Variants in JARID2 observed in about 807,000 individuals in gnomAD.
JARID2 encodes protein Jumonji.
Under a neutral mutation model 125.6 loss-of-function variants are expected in JARID2, and 21 were observed. That is an observed-to-expected ratio of 0.17 (90% CI 0.12 to 0.24). JARID2 has a LOEUF of 0.24. Ranked by LOEUF, JARID2 falls within the 10% of genes least tolerant of loss-of-function variation. The probability of loss-of-function intolerance (pLI) is 1.00; values close to 1 mark genes in which losing one functional copy is unlikely to be tolerated. For missense variants in JARID2, 1,303 were observed against 1,639.6 expected (o/e 0.79, Z 3.55); for synonymous variants, 736 against 661.6 (o/e 1.11, Z -1.73).
At position 15,246,243 on chromosome 6, in the gene JARID2, T is replaced by G. The variant is rs1044013219; in HGVS notation, c.-297T>G. ...AAGGGGGGGGAGTGAAGGGCGTCGG[T>G]TTTTTTTTGTGTGTGTGTGTATGTG... On this transcript the variant is annotated 5_prime_UTR_variant, in exon 1 of 18. Coordinates refer to ENST00000341776, the MANE Select transcript of JARID2 (RefSeq NM_004973.4). 48 of 437,606 alleles carry G rather than the reference T, an allele frequency of 1.1e-4. No homozygotes were observed. The highest frequency in any genetic ancestry group is 6.0e-4 in the Middle Eastern group (1 of 1,664). 27.1% of individuals were successfully genotyped at this position (437,606 alleles called of 1,614,324 possible).
intron 1 of JARID2, among the ~76,000 whole-genome samples, chr6:15,256,691 C>G (rs1429336255): frequency 1.3e-5 from 2 of 152,144 alleles, no homozygotes; most frequent in Non-Finnish European, 2.9e-5. Flanking sequence ...TTGTCTGAAG[C>G]CTGTCACCCT....
At chr6:15,328,714 A>G (rs1489772766) in intron 1 of JARID2, among the ~76,000 whole-genome samples, 2 of 152,334 alleles carry the variant, frequency 1.3e-5, no homozygotes, top group East Asian at 3.9e-4. Context: ...TGTGGCCTCA[A>G]AGTAAGAGAT....
intron 2 of JARID2, among the ~76,000 whole-genome samples, chr6:15,377,504 C>T (rs1377950044): frequency 6.6e-6 from 1 of 152,070 alleles, no homozygotes; most frequent in African/African-American, 2.4e-5. Context: ...GTGAGCCTGT[C>T]ACCCAGGCTG....
At chr6:15,481,921 CT>C (rs1353237578) in intron 5 of JARID2, among the ~76,000 whole-genome samples, 2 of 152,198 alleles carry the variant, frequency 1.3e-5, no homozygotes, top group African/African-American at 4.8e-5. Context: ...ACCTGCCTCC[CT>C]CTCGTCTCCG....
chr6:15,283,365 G>A (rs868578021), intron 1 of JARID2, among the ~76,000 whole-genome samples: 4 of 144,276 alleles, frequency 2.8e-5, no homozygotes, highest in Non-Finnish European at 4.5e-5. Flanking sequence ...TTTTGAGATG[G>A]AGTCTCACTC....
chr6:15,424,684 C>A (rs1766646465), intron 3 of JARID2, among the ~76,000 whole-genome samples: 2 of 152,100 alleles, frequency 1.3e-5, no homozygotes. Flanking sequence ...ATGGAGAACC[C>A]CTGCCTCCAC....
intron 2 of JARID2, among the ~76,000 whole-genome samples, chr6:15,405,396 G>A (rs1023400072): frequency 1.3e-5 from 2 of 152,226 alleles, no homozygotes; most frequent in Admixed American, 6.5e-5. Flanking sequence ...TGGCTAAATG[G>A]TCTTGGATCC....
At chr6:15,408,098 T>C (rs1031611638) in intron 2 of JARID2, among the ~76,000 whole-genome samples, 1 of 151,952 alleles carries the variant, frequency 6.6e-6, no homozygotes, top group African/African-American at 2.4e-5. Context: ...ACCCCATCTC[T>C]ACAAAAAATA....
chr6:15,331,817 T>C (rs1762720392), intron 1 of JARID2, among the ~76,000 whole-genome samples: 1 of 152,208 alleles, frequency 6.6e-6, no homozygotes, highest in African/African-American at 2.4e-5. Flanking sequence ...TGAAACTCCA[T>C]TTCATAAAAA....
Position 15,254,518 on chromosome 6 carries a change from A to G in JARID2, c.45+7934A>G, listed in dbSNP as rs199637209. ...GGGAACATTATACATGATTACTTAC[A>G]TAATCATGGGACAGATGCGGGTGTT... is the stretch of plus-strand genomic sequence containing the variant. On this transcript the variant is annotated intron_variant, in intron 1 of 17. Transcript: ENST00000341776. 3.3e-4 allele frequency among the ~76,000 whole-genome samples: 51 copies of G among 152,332 alleles called. No individual in the cohort carries two copies. In the East Asian group the frequency reaches 6.2e-3, roughly 18 times the overall value.
At chr6:15,285,723 G>T (rs1200585994) in intron 1 of JARID2, among the ~76,000 whole-genome samples, 2 of 152,178 alleles carry the variant, frequency 1.3e-5, no homozygotes, top group East Asian at 3.8e-4. Flanking sequence ...TTCTAGAAAA[G>T]AAGGCAGCAT....
chr6:15,334,877 C>G (rs772744356), intron 1 of JARID2, among the ~76,000 whole-genome samples: 2 of 152,156 alleles, frequency 1.3e-5, no homozygotes, highest in Non-Finnish European at 2.9e-5. Flanking sequence ...CACCTAGACT[C>G]ATGAATATTG....
At position 15,389,622 on chromosome 6, in the gene JARID2, GT is replaced by G. The variant is rs1764924378; in HGVS notation, c.181+15374del. Among the ~76,000 whole-genome samples, 7 of 152,338 alleles carry G rather than the reference GT, an allele frequency of 4.6e-5. No homozygotes were observed. The South Asian group carries it at 1.4e-3, about 32-fold the overall frequency. On this transcript the variant is annotated intron_variant, in intron 2 of 17. Coordinates refer to ENST00000341776, the MANE Select transcript of JARID2 (RefSeq NM_004973.4). ...TTGCTCAGTTGGAAAGTGTTACAGAGTTTTAAAGGGTGAGCTGGAAGGCTCT... is the reference window on the plus strand; with the variant it reads ...TTGCTCAGTTGGAAAGTGTTACAGAGTTTAAAGGGTGAGCTGGAAGGCTCT...
intron 3 of JARID2, among the ~76,000 whole-genome samples, chr6:15,438,625 T>A (rs1561863110): frequency 1.3e-5 from 2 of 152,248 alleles, no homozygotes; most frequent in Non-Finnish European, 2.9e-5. Flanking sequence ...AGGCAAATGT[T>A]ATCCTTTCTC....
chr6:15,397,724 A>C (rs1298612376), intron 2 of JARID2, among the ~76,000 whole-genome samples: 1 of 152,234 alleles, frequency 6.6e-6, no homozygotes, highest in Non-Finnish European at 1.5e-5. Flanking sequence ...CCTGCTTTGG[A>C]AACTGATTTG....
At chr6:15,260,773 G>C (rs1038042535) in intron 1 of JARID2, among the ~76,000 whole-genome samples, 5 of 152,332 alleles carry the variant, frequency 3.3e-5, no homozygotes, top group African/African-American at 9.6e-5. Context: ...AAAGCATTGG[G>C]AGGTGGGGAG....
intron 1 of JARID2, among the ~76,000 whole-genome samples, chr6:15,294,693 T>C (rs997940108): frequency 1.3e-5 from 2 of 152,172 alleles, no homozygotes; most frequent in Admixed American, 1.3e-4. Flanking sequence ...AGGTAGAACT[T>C]GCTCTGTCGG....
chr6:15,392,039 G>GGTGTGTGTGTGTGTGTGTGTGTGTGTGT (rs55811028), intron 2 of JARID2, among the ~76,000 whole-genome samples: 1 of 122,724 alleles, frequency 8.1e-6, no homozygotes, highest in African/African-American at 3.1e-5. Context: ...ATCCCAGAGT[G>GGTGTGTGTGTGTGTGTGTGTGTGTGTGT]GTGTGTGTGT....
At chr6:15,273,294 A>G (rs1032833119) in intron 1 of JARID2, among the ~76,000 whole-genome samples, 9 of 152,232 alleles carry the variant, frequency 5.9e-5, no homozygotes, top group African/African-American at 1.9e-4. Context: ...CAAATGATGT[A>G]CACATGGGAT....
Sources: allele counts gnomAD v4.1 joint callset (sites outside exome capture counted in the v4.1 genomes callset), GRCh38; gene constraint gnomAD v4.1.1; transcripts MANE v1.5; gene names NCBI Gene and HGNC (gene_info 2026-07-23, HGNC 2026-07-21).